The following ALK variants were observed in gnomAD, a reference collection of about 807,000 sequenced individuals.
ALK encodes the protein ALK tyrosine kinase receptor.
ALK carries 74 observed loss-of-function variants against 163.1 expected under a neutral mutation model. The ratio of observed to expected loss-of-function variants is 0.45; its 90% CI spans 0.38 to 0.55. The LOEUF (loss-of-function observed/expected upper bound fraction) is 0.55. ALK is among the 20% of genes least tolerant of loss of function. The pLI, the probability that ALK is intolerant of heterozygous loss-of-function variation, is 0.00. For synonymous variants in ALK, 960 were observed against 843.2 expected (o/e 1.14, Z -2.40); for missense variants, 2,063 against 2,105.3 (o/e 0.98, Z 0.39).
intron 3 of ALK, among the ~76,000 whole-genome samples, chr2:29,603,608 T>G (rs1675437898): frequency 6.6e-6 from 1 of 152,046 alleles, no homozygotes; most frequent in Non-Finnish European, 1.5e-5. Flanking sequence ...TTAGGCTTCC[T>G]TGGAAGCCCC....
chr2:29,869,048 C>T (rs1441699653), intron 1 of ALK, among the ~76,000 whole-genome samples: 1 of 152,182 alleles, frequency 6.6e-6, no homozygotes, highest in African/African-American at 2.4e-5. Flanking sequence ...AAACGTCTTT[C>T]ACCCATCCCC....
At chr2:29,542,441 C>T (rs1039444174) in intron 3 of ALK, among the ~76,000 whole-genome samples, 3 of 152,048 alleles carry the variant, frequency 2.0e-5, no homozygotes, top group African/African-American at 4.8e-5. Context: ...TATGTTAGTC[C>T]CACCATCCTC....
intron 3 of ALK, among the ~76,000 whole-genome samples, chr2:29,694,001 G>A (rs571731085): frequency 1.3e-5 from 2 of 152,188 alleles, no homozygotes; most frequent in Non-Finnish European, 2.9e-5. Context: ...TAAGCCCATT[G>A]CCACTTCAGT....
chr2:29,760,011 C>T (rs115501341), intron 1 of ALK, among the ~76,000 whole-genome samples: 56 of 152,282 alleles, frequency 3.7e-4, no homozygotes, highest in African/African-American at 1.3e-3. Context: ...AAACCTCTGC[C>T]TATCATTCTC....
intron 4 of ALK, among the ~76,000 whole-genome samples, chr2:29,408,333 C>T (rs918444091): frequency 5.3e-5 from 8 of 151,992 alleles, no homozygotes. Context: ...CATGATCCGC[C>T]TGCCTCGGCC....
intron 1 of ALK, among the ~76,000 whole-genome samples, chr2:29,766,851 G>T (rs1680878154): frequency 6.6e-6 from 1 of 152,296 alleles, no homozygotes; most frequent in Non-Finnish European, 1.5e-5. Flanking sequence ...CAGGAGAAAA[G>T]GAGACCAGTG....
intron 5 of ALK, among the ~76,000 whole-genome samples, chr2:29,370,295 T>C (rs1668608658): frequency 6.6e-6 from 1 of 152,134 alleles, no homozygotes; most frequent in South Asian, 2.1e-4. Context: ...CCCTGTCTAG[T>C]CCTCCCCGAG....
rs562844580 is a variant in ALK at position 29,744,432 on chromosome 2, A to G, written c.668-26735T>C. On this transcript the variant is annotated intron_variant, in intron 1 of 28. Coordinates refer to ENST00000389048, the MANE Select transcript of ALK (RefSeq NM_004304.5). ...ATGACAGCATTTATTTTGCTCACAA[A>G]TCTTCAGCTTGGGCAAGGCTTGGTT... Among the ~76,000 whole-genome samples, 7 of 152,244 alleles carry G rather than the reference A, an allele frequency of 4.6e-5. No individual in the cohort carries two copies. The South Asian group carries it at 1.2e-3, about 27-fold the overall frequency.
intron 4 of ALK, among the ~76,000 whole-genome samples, chr2:29,480,902 G>A (rs1250555033): frequency 6.6e-6 from 1 of 151,810 alleles, no homozygotes; most frequent in Admixed American, 6.6e-5. Context: ...CCAGGTCTGG[G>A]CAAGGCCAAA....
At position 29,343,678 on chromosome 2, in the gene ALK, G is replaced by T. The variant is rs79094557; in HGVS notation, c.1283-15197C>A. Among the ~76,000 whole-genome samples, 472 of 152,314 alleles carry T rather than the reference G, an allele frequency of 3.1e-3. 9 individuals are homozygous for T. The East Asian group carries it at 0.06, about 19-fold the overall frequency. The stretch of plus-strand genomic sequence containing the variant: ...CAATGGAGATGAGTTTCCATGTGCA[G>T]GAAGAAAGTGTTAGGGGAGGGTCTG... On this transcript the variant is annotated intron_variant, in intron 5 of 28. Coordinates refer to ENST00000389048, the MANE Select transcript of ALK (RefSeq NM_004304.5).
intron 3 of ALK, among the ~76,000 whole-genome samples, chr2:29,632,511 G>A (rs936440560): frequency 6.6e-6 from 1 of 152,134 alleles, no homozygotes; most frequent in African/African-American, 2.4e-5. Flanking sequence ...TATGGCTGAA[G>A]CCCTAATCTG....
At chr2:29,224,807 TCCC>T (rs1663898007) in intron 19 of ALK, 1 of 217,268 alleles carries the variant, frequency 4.6e-6, no homozygotes, top group South Asian at 1.8e-4. Flanking sequence ...TGCTGCCATC[TCCC>T]TTCTACCGGC....
chr2:29,268,538 G>C (rs1665298682), intron 11 of ALK, among the ~76,000 whole-genome samples: 1 of 152,216 alleles, frequency 6.6e-6, no homozygotes, highest in African/African-American at 2.4e-5. Flanking sequence ...GTTTGGCACA[G>C]AGCAGGCACC....
chr2:29,487,816 T>C (rs1671812817), intron 4 of ALK, among the ~76,000 whole-genome samples: 3 of 152,144 alleles, frequency 2.0e-5, no homozygotes, highest in Admixed American at 6.5e-5. Context: ...ACCAAGGCCA[T>C]AGATGGCACC....
At chr2:29,773,824 G>A (rs1681096499) in intron 1 of ALK, among the ~76,000 whole-genome samples, 1 of 152,170 alleles carries the variant, frequency 6.6e-6, no homozygotes, top group Non-Finnish European at 1.5e-5. Flanking sequence ...GAATCGTGAA[G>A]GGAACAAGGA....
chr2:29,397,168 T>C (rs1045810479), intron 4 of ALK, among the ~76,000 whole-genome samples: 3 of 152,102 alleles, frequency 2.0e-5, no homozygotes, highest in African/African-American at 7.2e-5. Flanking sequence ...AGGATCTTTA[T>C]AAAGGTAATC....
chr2:29,526,316 C>T (rs779833719), intron 4 of ALK, among the ~76,000 whole-genome samples: 53 of 152,278 alleles, frequency 3.5e-4, no homozygotes, highest in South Asian at 8.3e-4. Context: ...AGAATTTCCT[C>T]CAAGAATACT....
At chr2:29,888,166 G>A (rs760233457) in intron 1 of ALK, among the ~76,000 whole-genome samples, 2 of 151,432 alleles carry the variant, frequency 1.3e-5, no homozygotes, top group Non-Finnish European at 2.9e-5. Context: ...GGCAATATAA[G>A]TCAATTATCC....
At chr2:29,589,808 A>G (rs1054764034) in intron 3 of ALK, among the ~76,000 whole-genome samples, 1 of 152,250 alleles carries the variant, frequency 6.6e-6, no homozygotes, top group Non-Finnish European at 1.5e-5. Context: ...GAACATTTAG[A>G]GACCTGGCAT....
Sources: allele counts gnomAD v4.1 joint callset (sites outside exome capture counted in the v4.1 genomes callset), GRCh38; gene constraint gnomAD v4.1.1; transcripts MANE v1.5; gene names NCBI Gene and HGNC (gene_info 2026-07-23, HGNC 2026-07-21).